TXNRD1: variants seen among roughly 807,000 people sequenced by gnomAD.
TXNRD1 encodes thioredoxin reductase 1, also known as thioredoxin reductase 1, cytoplasmic.
TXNRD1 carries 57 observed loss-of-function variants against 80.3 expected under a neutral mutation model. That is an observed-to-expected ratio of 0.71 (90% CI 0.57 to 0.89). The LOEUF (loss-of-function observed/expected upper bound fraction) is 0.89. Among genes scored for constraint, TXNRD1 ranks in the 40% least tolerant of loss-of-function variants. The pLI is 0.00. For missense variants in TXNRD1, 730 were observed against 803.0 expected (o/e 0.91, Z 1.10); for synonymous variants, 291 against 285.2 (o/e 1.02, Z -0.20).
chr12:104,257,957 G>T (rs530018682), intron 2 of TXNRD1, 62 bp from the exon 3 acceptor site: 1 of 1,287,398 alleles, frequency 7.8e-7, no homozygotes, highest in Non-Finnish European at 1.1e-6. Flanking sequence ...CTGGATAAGA[G>T]ATTCTCTTGT....
intron 1 of TXNRD1, among the ~76,000 whole-genome samples, chr12:104,232,560 G>GA (rs940597059): frequency 3.8e-4 from 56 of 147,368 alleles, no homozygotes; most frequent in African/African-American, 1.3e-3. Flanking sequence ...GACACCACCT[G>GA]AAAAAAAAAA....
In TXNRD1 at chr12:104,288,883, C is replaced by CG. The variant is rs745566912; in HGVS notation, c.305-43dup. 31 of 1,613,368 alleles carry CG rather than the reference C, an allele frequency of 1.9e-5. No homozygotes were observed. In the African/African-American group the frequency reaches 2.3e-4, roughly 12 times the overall value. On this transcript the variant is annotated intron_variant, in intron 3 of 16. Transcript: ENST00000525566. ...CCCCGGCGCAGTTCCCGCCTGTTAG[C>CG]GGGGGAGAAGCACCTTACACGCTCC...
chr12:104,305,826 A>C (rs939333684), intron 4 of TXNRD1, among the ~76,000 whole-genome samples: 34 of 152,208 alleles, frequency 2.2e-4, no homozygotes, highest in African/African-American at 8.2e-4. Context: ...TTGCTAGTAC[A>C]TAGAATGTCC....
chr12:104,227,821 A>G (rs1458523964), intron 1 of TXNRD1, among the ~76,000 whole-genome samples: 1 of 152,164 alleles, frequency 6.6e-6, no homozygotes, highest in African/African-American at 2.4e-5. Context: ...ACAGCATAAT[A>G]CTTTTGAGAT....
At chr12:104,309,643 C>A in intron 4 of TXNRD1, 1 of 630,132 alleles carries the variant, frequency 1.6e-6, no homozygotes, top group Non-Finnish European at 2.5e-6. Context: ...TTAGTTAACT[C>A]TTAAACCAGG....
At chr12:104,243,380 A>G (rs1487660177) in intron 1 of TXNRD1, among the ~76,000 whole-genome samples, 11 of 152,156 alleles carry the variant, frequency 7.2e-5, no homozygotes, top group Admixed American at 7.2e-4. Context: ...CACTTGATTT[A>G]TAGACACTGT....
chr12:104,322,713 T>G (rs1427405646), intron 10 of TXNRD1, among the ~76,000 whole-genome samples: 1 of 152,178 alleles, frequency 6.6e-6, no homozygotes, highest in African/African-American at 2.4e-5. Context: ...GTATATATGC[T>G]ATATTTGCAT....
intron 16 of TXNRD1, 53 bp downstream of exon 16, chr12:104,339,326 A>T: frequency 6.2e-7 from 1 of 1,608,834 alleles, no homozygotes; most frequent in African/African-American, 1.3e-5. Flanking sequence ...GCCACATAGA[A>T]GCACACCACC....
At chr12:104,324,338 T>A (rs192725010) in intron 10 of TXNRD1, among the ~76,000 whole-genome samples, 2 of 151,558 alleles carry the variant, frequency 1.3e-5, no homozygotes, top group African/African-American at 4.8e-5. Context: ...CTGGATAGTT[T>A]CCCAGGTGGG....
chr12:104,254,644 A>AAAAAAAAAAT lies in TXNRD1; in HGVS notation c.243+2967_243+2968insAAAAAAAATA. On this transcript the variant is annotated intron_variant, in intron 2 of 16. Transcript: ENST00000525566. ...CTATGTCTATGGAAAAAAAAAAAAA[A>AAAAAAAAAAT]ATATATATATATATATATATATCAG... Among the ~76,000 whole-genome samples the AAAAAAAAAAT allele has an allele frequency of 1.6e-3, 152 of 93,572 alleles. 3 individuals are homozygous for AAAAAAAAAAT. The highest frequency in any genetic ancestry group is 6.3e-3 in the Middle Eastern group (1 of 160). The allele number at this position is 93,572 out of a possible 152,430, so 61.4% of individuals were successfully genotyped here. A position where few individuals can be genotyped will look rare whatever the true frequency, so the allele number is the denominator to read the frequency against.
intron 1 of TXNRD1, among the ~76,000 whole-genome samples, chr12:104,217,883 G>A (rs779641572): frequency 2.0e-5 from 3 of 151,802 alleles, no homozygotes; most frequent in Non-Finnish European, 4.4e-5. Context: ...ACTTGTCTTC[G>A]AGTTTCATCT....
chr12:104,320,646 GTTTT>G (rs777199543), intron 9 of TXNRD1, among the ~76,000 whole-genome samples: 118 of 146,260 alleles, frequency 8.1e-4, no homozygotes, highest in African/African-American at 2.8e-3. Context: ...GATATTGAAA[GTTTT>G]TTTTTTTTTC....
At position 104,248,659 on chromosome 12, in the gene TXNRD1, C is replaced by G. The variant is rs558996544; in HGVS notation, c.92-2868C>G. 7.9e-5 allele frequency among the ~76,000 whole-genome samples: 12 copies of G among 152,208 alleles called. No individual in the cohort carries two copies. The South Asian group carries it at 2.3e-3, about 29-fold the overall frequency. On this transcript the variant is annotated intron_variant, in intron 1 of 16. Coordinates refer to ENST00000525566, the MANE Select transcript of TXNRD1 (RefSeq NM_001093771.3). ...CAGTAGGTTAGGGACAAGGATGAGACCTAGGAAGTCTTGGTTATTCAGATG... is the reference window on the plus strand; with the variant it reads ...CAGTAGGTTAGGGACAAGGATGAGAGCTAGGAAGTCTTGGTTATTCAGATG...
intron 3 of TXNRD1, among the ~76,000 whole-genome samples, chr12:104,277,427 C>T (rs544791047): frequency 1.6e-4 from 24 of 149,704 alleles, no homozygotes; most frequent in African/African-American, 4.9e-4. Flanking sequence ...TAGTCAGGCA[C>T]GGTAGTGTGT....
intron 16 of TXNRD1, chr12:104,345,999 C>T (rs1300274687): frequency 7.8e-7 from 1 of 1,288,120 alleles, no homozygotes; most frequent in African/African-American, 1.5e-5. Flanking sequence ...CGAATGAAAT[C>T]TGTCAATTGA....
intron 8 of TXNRD1, 101 bp downstream of exon 8, chr12:104,319,156 A>G (rs1376709946): frequency 6.0e-6 from 8 of 1,339,182 alleles, no homozygotes; most frequent in Admixed American, 2.7e-5. Flanking sequence ...AGTAATAGCC[A>G]CTGTGACCCA....
Position 104,321,256 on chromosome 12 carries a change from A to G in TXNRD1, c.1155A>G (p.Lys385=). 1 of 1,613,958 alleles carries G rather than the reference A, an allele frequency of 6.2e-7. No individual in the cohort carries two copies. The highest frequency in any genetic ancestry group is 1.1e-5 in the South Asian group (1 of 91,086). The stretch of plus-strand genomic sequence containing the variant: ...GATTTGACCAGGACATGGCCAACAA[A>G]ATTGGTGAACACATGGAAGAACATG... ...LRGFDQDMAN[K]IGEHMEEHGI... Residue 385 remains lysine, a synonymous_variant, in exon 10 of 17, where the codon AAA becomes AAG. Transcript: ENST00000525566.
At chr12:104,340,265 A>G (rs187463666) in intron 16 of TXNRD1, among the ~76,000 whole-genome samples, 1 of 152,338 alleles carries the variant, frequency 6.6e-6, no homozygotes, top group East Asian at 1.9e-4. Flanking sequence ...AAGCTTCAAA[A>G]AAATATAAAA....
intron 3 of TXNRD1, among the ~76,000 whole-genome samples, chr12:104,269,950 GC>G (rs1342965055): frequency 1.3e-5 from 2 of 151,946 alleles, no homozygotes; most frequent in African/African-American, 4.8e-5. Flanking sequence ...CTGAGCTCAA[GC>G]AATCCTACGT....
Sources: gnomAD v4.1 joint callset for allele counts (sites outside exome capture counted in the v4.1 genomes callset) on GRCh38, gnomAD v4.1.1 for gene constraint, MANE v1.5 for transcripts, NCBI Gene and HGNC (gene_info 2026-07-23, HGNC 2026-07-21) for gene names.